Variants in BNIP3 observed in about 807,000 individuals in gnomAD.
BNIP3 encodes the protein BCL2 interacting protein 3.
Under a neutral mutation model 23.9 loss-of-function variants are expected in BNIP3, and 16 were observed. The observed-to-expected ratio is 0.67, with a 90% CI of 0.45 to 1.01. BNIP3 has a LOEUF of 1.01. BNIP3 is among the 50% of genes least tolerant of loss of function. The probability of loss-of-function intolerance (pLI) is 0.00; values close to 1 mark genes in which losing one functional copy is unlikely to be tolerated. For synonymous variants in BNIP3, 81 were observed against 89.3 expected (o/e 0.91, Z 0.53); for missense variants, 198 against 248.7 (o/e 0.80, Z 1.37).
chr10:131,971,115 G>A, intron 3 of BNIP3, 145 bp from the exon 4 acceptor site: 2 of 740,120 alleles, frequency 2.7e-6, no homozygotes, highest in Non-Finnish European at 2.2e-6. Context: ...GGTCCAAGGG[G>A]AGTCCTGGGG....
rs766678193 is a variant in BNIP3, at chr10:131,981,826, G to A, written c.-20C>T. On this transcript the variant is annotated 5_prime_UTR_variant, in exon 1 of 6. Coordinates refer to ENST00000368636, the MANE Select transcript of BNIP3 (RefSeq NM_004052.4). ...CGACATGGCGCCAGAGGGCAACTGC[G>A]GCGATCGGAGTCCGCGCCGGGCTGC... is the stretch of plus-strand genomic sequence containing the variant. 16 of 1,451,026 alleles carry A rather than the reference G, an allele frequency of 1.1e-5. No homozygotes were observed. The highest frequency in any genetic ancestry group is 1.1e-4 in the South Asian group (8 of 73,436). The allele number at this position is 1,451,026 out of a possible 1,614,324, so 89.9% of individuals were successfully genotyped here. A position where few individuals can be genotyped will look rare whatever the true frequency, so the allele number is the denominator to read the frequency against.
chr10:131,975,139 CATT>C (rs2133694027), intron 1 of BNIP3, among the ~76,000 whole-genome samples: 1 of 152,324 alleles, frequency 6.6e-6, no homozygotes, highest in South Asian at 2.1e-4. Context: ...ATGACAGTCA[CATT>C]TAGATCCAAA....
chr10:131,975,886 G>A (rs11813639), intron 1 of BNIP3, among the ~76,000 whole-genome samples: 2,899 of 152,320 alleles, frequency 0.019, 96 homozygotes, highest in African/African-American at 0.064. Flanking sequence ...GCAAGCCAGG[G>A]TCTGTCTCGG....
chr10:131,970,809 C>T lies in BNIP3; in HGVS notation c.390-22G>A. Reference sequence around the variant, plus strand: ...CTCCCTGAGGCGGGAAGAAACGTGTCAGCTGATGTGTCCTCTGTCAAGGGG... The same window carrying T: ...CTCCCTGAGGCGGGAAGAAACGTGTTAGCTGATGTGTCCTCTGTCAAGGGG... On this transcript the variant is annotated intron_variant, in intron 4 of 5. Coordinates refer to ENST00000368636, the MANE Select transcript of BNIP3 (RefSeq NM_004052.4). This position sits in a 1 kb window ranked among gnomAD's most constrained non-coding sequence, Gnocchi z 4.1. The T allele has an allele frequency of 6.2e-7, 1 of 1,614,228 alleles. No homozygotes were observed. The highest frequency in any genetic ancestry group is 1.3e-5 in the African/African-American group (1 of 75,056).
In BNIP3 at chr10:131,973,236, G is replaced by A. The variant is rs1174422342; in HGVS notation, c.198-118C>T. 50 of 1,012,708 alleles carry A rather than the reference G, an allele frequency of 4.9e-5. No individual in the cohort carries two copies. In the South Asian group the frequency reaches 5.3e-4, roughly 11 times the overall value. 62.7% of individuals were successfully genotyped at this position (1,012,708 alleles called of 1,614,324 possible). A position where few individuals can be genotyped will look rare whatever the true frequency, so the allele number is the denominator to read the frequency against. ...TGATGAGGGGCTCTAGCCAGTCAGC[G>A]TACGCGTCTTCCCTTCCACCCAGCA... is the stretch of plus-strand genomic sequence containing the variant. On this transcript the variant is annotated intron_variant, in intron 2 of 5. Coordinates refer to ENST00000368636, the MANE Select transcript of BNIP3 (RefSeq NM_004052.4).
chr10:131,973,075 C>T lies in BNIP3; in HGVS notation c.241G>A (p.Glu81Lys). 6.2e-7 allele frequency: 1 copy of T among 1,613,860 alleles called. No homozygotes were observed. The highest frequency in any genetic ancestry group is 8.5e-7 in the Non-Finnish European group (1 of 1,179,744). Residue 81 changes from glutamate (E) to lysine (K), a missense_variant, in exon 3 of 6, where the codon GAA becomes AAA. Glu to Lys is a moderately conservative substitution (Grantham distance 56, BLOSUM62 1). Coordinates refer to ENST00000368636, the MANE Select transcript of BNIP3 (RefSeq NM_004052.4). ...QTPQDTNRAS[E>K]TDTHSIGEKN... ...TCTCCAATGCTATGGGTATCTGTTT[C>T]AGAAGCTCTGTTGGTATCTTGTGGT...
chr10:131,981,708 C>T (rs370801127), intron 1 of BNIP3, 53 bp downstream of exon 1: 3 of 1,334,046 alleles, frequency 2.2e-6, no homozygotes, highest in Middle Eastern at 2.2e-4. Context: ...TTGGCCTTCC[C>T]CAGGCTTCCC....
chr10:131,973,908 TC>T lies in BNIP3; in HGVS notation c.81del (p.Asn28ThrfsTer83), dbSNP rs1234872302. 2 of 1,613,692 alleles carry T rather than the reference TC, an allele frequency of 1.2e-6. No individual in the cohort carries two copies. Among genetic ancestry groups the T allele is most frequent in the Non-Finnish European group, 1.7e-6 (2 of 1,180,050 alleles). ...SWVELHFSNN[G>X]NGGSVPASVS... ...ACCGAGGCTGGAACGCTGCCCCCGT[TC>T]CCATTATTGCTGAAGTGCAGTTCTA... On this transcript the variant is annotated frameshift_variant, in exon 2 of 6. Transcript: ENST00000368636. LOFTEE classifies it high-confidence loss of function.
chr10:131,970,639 C>T lies in BNIP3; in HGVS notation c.538G>A (p.Gly180Arg), dbSNP rs1195229585. ...LLSHLLAIGL[G>R]IYIGRRLTTS... ...GAGTCACACAGTCACATCACCTACC[C>T]CAATCCGATGGCCAGCAAATGAGAG... Residue 180 changes from glycine (G) to arginine (R), a missense_variant and splice_region_variant, in exon 5 of 6, where the codon GGG (glycine) becomes AGG (arginine). Transcript: ENST00000368636. The surrounding 1 kb of genome is among the most constrained non-coding windows in gnomAD (Gnocchi z 4.1). The T allele has an allele frequency of 2.5e-6, 4 of 1,613,714 alleles. No individual in the cohort carries two copies. In the Admixed American group the frequency reaches 6.7e-5, roughly 27 times the overall value.
chr10:131,977,508 AG>A (rs1284927245), intron 1 of BNIP3, among the ~76,000 whole-genome samples: 1 of 152,164 alleles, frequency 6.6e-6, no homozygotes, highest in Non-Finnish European at 1.5e-5. Flanking sequence ...TCTGTTCTGG[AG>A]GCTGGGAAGT....
intron 3 of BNIP3, among the ~76,000 whole-genome samples, chr10:131,972,273 G>C (rs1481045904): frequency 6.6e-6 from 1 of 152,168 alleles, no homozygotes; most frequent in Admixed American, 6.5e-5. Flanking sequence ...AGTCATCTTA[G>C]GCTGGACACA....
At position 131,968,514 on chromosome 10, in the gene BNIP3, C is replaced by T; in HGVS notation, c.*10G>A. On this transcript the variant is annotated 3_prime_UTR_variant, in exon 6 of 6. Transcript: ENST00000368636. ...TCCACTAACGAACCAAGTCAGACTC[C>T]AGTTCTTCATCAAAAGGTGCTGGTG... is the stretch of plus-strand genomic sequence containing the variant. 1 of 1,585,970 alleles carries T rather than the reference C, an allele frequency of 6.3e-7. No individual in the cohort carries two copies. The highest frequency in any genetic ancestry group is 8.7e-7 in the Non-Finnish European group (1 of 1,154,946).
intron 2 of BNIP3, chr10:131,973,568 A>T: frequency 1.7e-6 from 1 of 585,652 alleles, no homozygotes; most frequent in Non-Finnish European, 2.9e-6. Context: ...CTGCCTACTG[A>T]TGACTTGAAC....
At chr10:131,972,702 A>G (rs1290102740) in intron 3 of BNIP3, among the ~76,000 whole-genome samples, 2 of 152,146 alleles carry the variant, frequency 1.3e-5, no homozygotes, top group Non-Finnish European at 2.9e-5. Flanking sequence ...ACCCCTTCCA[A>G]TGGTCCCTCC....
At chr10:131,981,607 G>T (rs2037119214) in intron 1 of BNIP3, among the ~76,000 whole-genome samples, 154 bp downstream of exon 1, 1 of 152,222 alleles carries the variant, frequency 6.6e-6, no homozygotes, top group South Asian at 2.1e-4. Context: ...ATGCCCGCAG[G>T]AGGGGTGGGT....
intron 5 of BNIP3, chr10:131,969,655 C>T (rs1430269077): frequency 6.6e-6 from 1 of 152,408 alleles, no homozygotes; most frequent in Non-Finnish European, 1.5e-5. Flanking sequence ...ACCTACCTAA[C>T]CCACCTGCCC....
Position 131,968,349 on chromosome 10 carries a change from G to A in BNIP3, c.*175C>T. The A allele has an allele frequency of 5.3e-6, 3 of 566,448 alleles. No homozygotes were observed. The highest frequency in any genetic ancestry group is 9.4e-6 in the Non-Finnish European group (3 of 320,660). The allele number at this position is 566,448 out of a possible 1,614,324, so 35.1% of individuals were successfully genotyped here. On this transcript the variant is annotated 3_prime_UTR_variant, in exon 6 of 6. Transcript: ENST00000368636. ...TATTGATCCCATAGGTGTAATTATA[G>A]ATCAACATGATTTTAGTGTCTATTC...
chr10:131,972,264 G>A (rs1250322733), intron 3 of BNIP3, among the ~76,000 whole-genome samples: 2 of 152,192 alleles, frequency 1.3e-5, no homozygotes, highest in African/African-American at 2.4e-5. Context: ...TAACAGAAAA[G>A]TCATCTTAGG....
intron 1 of BNIP3, chr10:131,981,428 G>A: frequency 2.6e-6 from 1 of 385,216 alleles, no homozygotes. Context: ...AGGCTGTTCG[G>A]TCCAACTGCG....
Sources: allele counts gnomAD v4.1 joint callset (sites outside exome capture counted in the v4.1 genomes callset), GRCh38; gene constraint gnomAD v4.1.1; non-coding constraint Gnocchi (gnomAD v3.1); transcripts MANE v1.5; gene names NCBI Gene and HGNC (gene_info 2026-07-23, HGNC 2026-07-21).